The following IRF2 variants were observed in gnomAD, a reference collection of about 807,000 sequenced individuals.
The protein encoded by IRF2 is interferon regulatory factor 2.
IRF2 carries 15 observed loss-of-function variants against 40.6 expected under a neutral mutation model. The ratio of observed to expected loss-of-function variants is 0.37; its 90% confidence interval spans 0.25 to 0.57. The LOEUF is 0.57. IRF2 is among the 20% of genes least tolerant of loss of function. The pLI is 0.77. For synonymous variants in IRF2, 151 were observed against 165.5 expected (o/e 0.91, Z 0.67); for missense variants, 317 against 455.7 (o/e 0.70, Z 2.77).
At chr4:184,429,459 G>A (rs1364769506) in intron 1 of IRF2, among the ~76,000 whole-genome samples, 1 of 152,130 alleles carries the variant, frequency 6.6e-6, no homozygotes, top group South Asian at 2.1e-4. Flanking sequence ...GCCAAGGGGT[G>A]GGCAGAGCAA....
intron 7 of IRF2, among the ~76,000 whole-genome samples, 178 bp downstream of exon 7, chr4:184,398,737 G>A (rs960142778): frequency 2.0e-5 from 3 of 152,158 alleles, no homozygotes; most frequent in African/African-American, 7.2e-5. Flanking sequence ...TCCTCTACCT[G>A]AGAACAAAAG....
rs553620272 is a variant in IRF2, at chr4:184,448,282, G to A, written c.-6-19212C>T. 3.3e-5 allele frequency among the ~76,000 whole-genome samples: 5 copies of A among 152,212 alleles called. No homozygotes were observed. Among genetic ancestry groups the A allele is most frequent in the South Asian group, 4.2e-4 (2 of 4,818 alleles). ...GTGGTGCTTAAATGAAGCTGCTGGC[G>A]GTTTATTCGTCCTCCGTGCACCAGG... is the stretch of plus-strand genomic sequence containing the variant. On this transcript the variant is annotated intron_variant, in intron 1 of 8. Transcript: ENST00000393593. This position sits in a 1 kb window ranked among gnomAD's most constrained non-coding sequence, Gnocchi z 4.3.
intron 1 of IRF2, among the ~76,000 whole-genome samples, chr4:184,462,765 C>G (rs959813398): frequency 2.0e-5 from 3 of 152,166 alleles, no homozygotes; most frequent in Non-Finnish European, 1.5e-5. Context: ...TACAAAGTAA[C>G]AAATCCTAAT....
At chr4:184,466,772 T>C (rs1739344954) in intron 1 of IRF2, among the ~76,000 whole-genome samples, 1 of 152,198 alleles carries the variant, frequency 6.6e-6, no homozygotes, top group South Asian at 2.1e-4. Context: ...TCACAGAGTG[T>C]ACTTACACAA....
intron 1 of IRF2, among the ~76,000 whole-genome samples, chr4:184,432,389 C>T (rs9683812): frequency 0.032 from 4,913 of 152,298 alleles, 302 homozygotes; most frequent in African/African-American, 0.11. Context: ...TTTGTCACAT[C>T]GTTGTGCTTT....
chr4:184,415,185 T>C (rs1258718657), intron 5 of IRF2, among the ~76,000 whole-genome samples: 2 of 152,162 alleles, frequency 1.3e-5, no homozygotes, highest in African/African-American at 4.8e-5. Flanking sequence ...TGCAAGTAGA[T>C]CTAAATTCAA....
In IRF2 at chr4:184,391,891, A is replaced by G. The variant is rs1180105299; in HGVS notation, c.695-1142T>C. Among the ~76,000 whole-genome samples the G allele has an allele frequency of 2.6e-5, 4 of 152,288 alleles. No individual in the cohort carries two copies. The South Asian group carries it at 6.2e-4, about 24-fold the overall frequency. The stretch of plus-strand genomic sequence containing the variant: ...TCTGTAAAATGAGGGCACTGCCACC[A>G]TCTAAGAGGATTACATGGAGAGTGA... On this transcript the variant is annotated intron_variant, in intron 7 of 8. Transcript: ENST00000393593.
chr4:184,418,091 T>G lies in IRF2; in HGVS notation c.411+76A>C. ...AGAGGACACACTGAGGTCCTGTGACTCATCTTTACAAGGCAGAATATGAGT... is the reference window on the plus strand; with the variant it reads ...AGAGGACACACTGAGGTCCTGTGACGCATCTTTACAAGGCAGAATATGAGT... On this transcript the variant is annotated intron_variant, in intron 5 of 8. Coordinates refer to ENST00000393593, the MANE Select transcript of IRF2 (RefSeq NM_002199.4). The G allele has an allele frequency of 2.1e-5, 23 of 1,089,834 alleles. No homozygotes were observed. In the Middle Eastern group the frequency reaches 7.9e-4, roughly 37 times the overall value. 67.5% of individuals were successfully genotyped at this position (1,089,834 alleles called of 1,614,324 possible).
At chr4:184,407,659 C>A (rs977305216) in intron 6 of IRF2, among the ~76,000 whole-genome samples, 1 of 152,196 alleles carries the variant, frequency 6.6e-6, no homozygotes, top group Admixed American at 6.5e-5. Flanking sequence ...ATTGGGCCTC[C>A]TCCATCTATT....
At chr4:184,409,153 C>T (rs536319329) in intron 5 of IRF2, among the ~76,000 whole-genome samples, 20 of 152,242 alleles carry the variant, frequency 1.3e-4, no homozygotes, top group African/African-American at 4.8e-4. Context: ...GGACAACACC[C>T]AAGGAATCCA....
intron 1 of IRF2, among the ~76,000 whole-genome samples, chr4:184,453,127 CT>C (rs1738787116): frequency 6.6e-6 from 1 of 152,266 alleles, no homozygotes; most frequent in East Asian, 1.9e-4. Context: ...CATGAGAAAA[CT>C]GTGAATTGCA....
chr4:184,396,812 A>G (rs1456162662), intron 7 of IRF2, among the ~76,000 whole-genome samples: 2 of 152,074 alleles, frequency 1.3e-5, no homozygotes, highest in Admixed American at 6.6e-5. Flanking sequence ...AAACAAGTCA[A>G]CTGTATCATA....
rs921502155 is a variant in IRF2, at chr4:184,408,420, A to G, written c.412-145T>C. On this transcript the variant is annotated intron_variant, in intron 5 of 8. Transcript: ENST00000393593. This position sits in a 1 kb window ranked among gnomAD's most constrained non-coding sequence, Gnocchi z 4.9. ...AATACATTCATCCCCTGCTTCTTTA[A>G]ACTGGCCTGTTTTAAAGCACATTTC... The G allele has an allele frequency of 4.5e-6, 3 of 662,212 alleles. No homozygotes were observed. In the East Asian group the frequency reaches 7.9e-5, roughly 17 times the overall value. 41.0% of individuals were successfully genotyped at this position (662,212 alleles called of 1,614,324 possible). A position where few individuals can be genotyped will look rare whatever the true frequency, so the allele number is the denominator to read the frequency against.
chr4:184,452,315 G>A lies in IRF2; in HGVS notation c.-7+22064C>T, dbSNP rs533930617. Reference sequence around the variant, plus strand: ...AAAGAATGCGAAGACCATAGGCTTCGGCCCAGGAAAAGCATTCTGCACCTG... The same window carrying A: ...AAAGAATGCGAAGACCATAGGCTTCAGCCCAGGAAAAGCATTCTGCACCTG... On this transcript the variant is annotated intron_variant, in intron 1 of 8. Coordinates refer to ENST00000393593, the MANE Select transcript of IRF2 (RefSeq NM_002199.4). Among the ~76,000 whole-genome samples, 13 of 152,214 alleles carry A rather than the reference G, an allele frequency of 8.5e-5. No individual in the cohort carries two copies. In the South Asian group the frequency reaches 2.1e-3, roughly 24 times the overall value.
chr4:184,447,954 C>CGGTGCTA (rs1393256291), intron 1 of IRF2, among the ~76,000 whole-genome samples: 1 of 152,124 alleles, frequency 6.6e-6, no homozygotes, highest in Non-Finnish European at 1.5e-5. Flanking sequence ...ACTCACACAG[C>CGGTGCTA]GGTGCTAGTT....
Position 184,460,681 on chromosome 4 carries a change from G to GCACA in IRF2, c.-7+13697_-7+13698insTGTG, listed in dbSNP as rs4069924. Among the ~76,000 whole-genome samples, 1,229 of 150,098 alleles carry GCACA rather than the reference G, an allele frequency of 8.2e-3. 21 individuals are homozygous for GCACA. Among genetic ancestry groups the GCACA allele is most frequent in the African/African-American group, 0.028 (1,142 of 40,660 alleles). ...CATGCACGCGCACACACACACACAT[G>GCACA]CACGCACACACACACATGCACACGC... On this transcript the variant is annotated intron_variant, in intron 1 of 8. Coordinates refer to ENST00000393593, the MANE Select transcript of IRF2 (RefSeq NM_002199.4).
Position 184,418,210 on chromosome 4 carries a change from T to C in IRF2, c.368A>G (p.Lys123Arg), listed in dbSNP as rs763009899. 2 of 1,613,028 alleles carry C rather than the reference T, an allele frequency of 1.2e-6. No individual in the cohort carries two copies. Among genetic ancestry groups the C allele is most frequent in the African/African-American group, 2.7e-5 (2 of 74,924 alleles). ...GTCTTCTTTTTCTGTCTTTGGTTTCTTTCCTGTGGCAACAAAAATGTAGTT... is the reference window on the plus strand; with the variant it reads ...GTCTTCTTTTTCTGTCTTTGGTTTCCTTCCTGTGGCAACAAAAATGTAGTT... ...PLSERPSKKG[K>R]KPKTEKEDKV... The change falls in exon 5 of 9, where the codon AAG becomes AGG. Residue 123 changes from lysine (K) to arginine (R), a missense_variant. Physicochemically the swap from Lys to Arg is conservative, Grantham distance 26. Coordinates refer to ENST00000393593, the MANE Select transcript of IRF2 (RefSeq NM_002199.4).
At chr4:184,456,542 A>G (rs114822775) in intron 1 of IRF2, among the ~76,000 whole-genome samples, 3,207 of 152,290 alleles carry the variant, frequency 0.021, 105 homozygotes, top group African/African-American at 0.073. Context: ...GTGTCCTCGC[A>G]CCTCAGCGAG....
Position 184,388,734 on chromosome 4 carries a change from C to CA in IRF2, c.*23dup. On this transcript the variant is annotated 3_prime_UTR_variant, in exon 9 of 9. Transcript: ENST00000393593. This position sits in a 1 kb window ranked among gnomAD's most constrained non-coding sequence, Gnocchi z 4.6. ...ACAAAACAAAGCCAAGAAGCCCCAA[C>CA]AACCACCGCGGAGAGTCAGAGGCTT... is the stretch of plus-strand genomic sequence containing the variant. 1 of 1,575,092 alleles carries CA rather than the reference C, an allele frequency of 6.3e-7. No homozygotes were observed. Among genetic ancestry groups the CA allele is most frequent in the Non-Finnish European group, 8.6e-7 (1 of 1,168,472 alleles).
Sources: gnomAD v4.1 joint callset for allele counts (sites outside exome capture counted in the v4.1 genomes callset) on GRCh38, gnomAD v4.1.1 for gene constraint, Gnocchi (gnomAD v3.1) non-coding constraint, MANE v1.5 for transcripts, NCBI Gene and HGNC (gene_info 2026-07-23, HGNC 2026-07-21) for gene names.